ZBTB38: variants seen among roughly 807,000 people sequenced by gnomAD.
The protein encoded by ZBTB38 is zinc finger and BTB domain-containing protein 38.
In ZBTB38, 20 loss-of-function variants were observed where a neutral mutation model predicts 76.8. The ratio of observed to expected loss-of-function variants is 0.26; its 90% CI spans 0.18 to 0.38. ZBTB38 has a LOEUF of 0.38. Ranked by LOEUF, ZBTB38 falls within the 10% of genes least tolerant of loss-of-function variation. The probability of loss-of-function intolerance (pLI) is 1.00; values close to 1 mark genes in which losing one functional copy is unlikely to be tolerated. For synonymous variants in ZBTB38, 504 were observed against 544.2 expected (o/e 0.93, Z 1.03); for missense variants, 1,082 against 1,482.3 (o/e 0.73, Z 4.43).
intron 5 of ZBTB38, among the ~76,000 whole-genome samples, chr3:141,410,707 A>G (rs1956335225): frequency 6.6e-6 from 1 of 152,210 alleles, no homozygotes. Flanking sequence ...AAGCAAATTT[A>G]TTTTTGACCT....
chr3:141,422,866 G>A (rs1008658881), intron 5 of ZBTB38, among the ~76,000 whole-genome samples: 3 of 151,998 alleles, frequency 2.0e-5, no homozygotes, highest in Non-Finnish European at 4.4e-5. Context: ...TTCTTTCAAA[G>A]TATTATAAAA....
At chr3:141,415,203 C>T (rs891631568) in intron 5 of ZBTB38, among the ~76,000 whole-genome samples, 24 of 152,164 alleles carry the variant, frequency 1.6e-4, no homozygotes, top group African/African-American at 5.6e-4. Flanking sequence ...ACCAGACATA[C>T]AAGAACCTTT....
chr3:141,384,373 C>T (rs1946636241), intron 3 of ZBTB38, among the ~76,000 whole-genome samples: 2 of 152,176 alleles, frequency 1.3e-5, no homozygotes, highest in Non-Finnish European at 1.5e-5. Flanking sequence ...TTATTATTCC[C>T]GACAGAGGAG....
rs763649729 is a variant in ZBTB38, at chr3:141,443,753, T to C, written c.1365T>C (p.Asn455=). The C allele has an allele frequency of 1.2e-6, 2 of 1,613,966 alleles. No individual in the cohort carries two copies. The highest frequency in any genetic ancestry group is 1.1e-5 in the South Asian group (1 of 91,084). The change falls in exon 6 of 6, where the codon AAT becomes AAC. Residue 455 remains asparagine, a synonymous_variant. Transcript: ENST00000321464. This position sits in a 1 kb window ranked among gnomAD's most constrained non-coding sequence, Gnocchi z 5.6. ...CGGACCACATGGTTAAATTTGTTAA[T>C]GGGCAAATGCTCTACAGTTGCGTTG... ...PDTDHMVKFV[N]GQMLYSCVVC... is the part of the protein sequence containing the mutation.
upstream of ZBTB38, chr3:141,368,373 G>A (rs565358479): frequency 1.3e-5 from 2 of 152,354 alleles, no homozygotes; most frequent in East Asian, 3.9e-4. Context: ...GAGGGCCTCT[G>A]GACATCAAAG....
chr3:141,336,016 TTC>T (rs1943006389), intron 1 of ZBTB38, among the ~76,000 whole-genome samples: 1 of 152,194 alleles, frequency 6.6e-6, no homozygotes, highest in Admixed American at 6.5e-5. Flanking sequence ...GTCATCACCT[TTC>T]TCTCTCTTAC....
At chr3:141,387,292 A>C (rs576169588) in intron 4 of ZBTB38, 1 of 151,700 alleles carries the variant, frequency 6.6e-6, no homozygotes, top group South Asian at 2.1e-4. Context: ...ACAAACCCTA[A>C]AAACAAAAAC....
At chr3:141,378,025 A>G (rs779554269) in intron 2 of ZBTB38, among the ~76,000 whole-genome samples, 2 of 152,106 alleles carry the variant, frequency 1.3e-5, no homozygotes, top group Non-Finnish European at 2.9e-5. Flanking sequence ...AAAAATTTAC[A>G]AAACTAGCGG....
At chr3:141,347,572 C>T (rs1039470013) in intron 1 of ZBTB38, among the ~76,000 whole-genome samples, 2 of 152,204 alleles carry the variant, frequency 1.3e-5, no homozygotes, top group African/African-American at 2.4e-5. Flanking sequence ...CTTACCAGTG[C>T]CCACTTTTGC....
chr3:141,340,988 A>AAGAAAGAAAGAG (rs1553760160), intron 1 of ZBTB38, among the ~76,000 whole-genome samples: 1 of 139,566 alleles, frequency 7.2e-6, no homozygotes, highest in Non-Finnish European at 1.6e-5. Flanking sequence ...GAAAGAAAGA[A>AAGAAAGAAAGAG]AGAGAAAGAA....
chr3:141,420,435 C>A (rs557823178), intron 5 of ZBTB38, among the ~76,000 whole-genome samples: 2 of 152,276 alleles, frequency 1.3e-5, no homozygotes, highest in South Asian at 4.1e-4. Flanking sequence ...CAATTCTGCT[C>A]CCAGGAGCTC....
intron 5 of ZBTB38, among the ~76,000 whole-genome samples, chr3:141,410,945 G>T (rs1241751123): frequency 2.0e-5 from 3 of 152,174 alleles, no homozygotes; most frequent in African/African-American, 4.8e-5. Context: ...AGTCCTGGAA[G>T]GGTATCTTGG....
chr3:141,397,789 C>T (rs535042036), intron 4 of ZBTB38, among the ~76,000 whole-genome samples: 8 of 152,210 alleles, frequency 5.3e-5, no homozygotes, highest in African/African-American at 1.7e-4. Flanking sequence ...CTTATATGGG[C>T]GTGGTTCATG....
chr3:141,332,829 CT>C (rs1380949112), intron 1 of ZBTB38, among the ~76,000 whole-genome samples: 3 of 152,118 alleles, frequency 2.0e-5, no homozygotes, highest in African/African-American at 7.2e-5. Context: ...TTGAAAACTA[CT>C]GGAAACTATT....
intron 5 of ZBTB38, among the ~76,000 whole-genome samples, chr3:141,418,249 C>T (rs1317893940): frequency 2.6e-5 from 4 of 152,212 alleles, no homozygotes; most frequent in African/African-American, 4.8e-5. Context: ...TCTCCTAGCG[C>T]AGCCCTGCAC....
At chr3:141,344,176 AAC>A (rs1050649107) in intron 1 of ZBTB38, among the ~76,000 whole-genome samples, 57 of 152,328 alleles carry the variant, frequency 3.7e-4, no homozygotes, top group African/African-American at 1.3e-3. Context: ...TTGGTGGCTT[AAC>A]ACACACAGTT....
chr3:141,439,429 A>G (rs1490369580), intron 5 of ZBTB38, among the ~76,000 whole-genome samples: 2 of 152,226 alleles, frequency 1.3e-5, no homozygotes, highest in Non-Finnish European at 2.9e-5. Flanking sequence ...TGACATATAT[A>G]ATGATATTTA....
rs2080701600 is a variant in ZBTB38, at chr3:141,443,688, A to G, written c.1300A>G (p.Ile434Val). 6.2e-7 allele frequency: 1 copy of G among 1,613,988 alleles called. No individual in the cohort carries two copies. Among genetic ancestry groups the G allele is most frequent in the African/African-American group, 1.3e-5 (1 of 74,918 alleles). The change falls in exon 6 of 6, where the codon ATT becomes GTT. Residue 434 changes from isoleucine to valine, a missense_variant. This residue lies in a region of ZBTB38 where 324 missense variants were observed against 359.1 expected (regional missense o/e 0.90). Transcript: ENST00000321464. This position sits in a 1 kb window ranked among gnomAD's most constrained non-coding sequence, Gnocchi z 5.6. Reference sequence around the variant, plus strand: ...AGAACCTTTATTATCTGAAAATAGGATTGGTGAATTTTCCAGTACCGGAAG... The same window carrying G: ...AGAACCTTTATTATCTGAAAATAGGGTTGGTGAATTTTCCAGTACCGGAAG... ...GPEPLLSENR[I>V]GEFSSTGSTL...
At chr3:141,401,557 C>T (rs1951946033) in intron 4 of ZBTB38, among the ~76,000 whole-genome samples, 2 of 151,750 alleles carry the variant, frequency 1.3e-5, no homozygotes, top group South Asian at 4.1e-4. Context: ...CTGTAGATTC[C>T]TGGCTGAAAA....
Sources: allele counts gnomAD v4.1 joint callset (sites outside exome capture counted in the v4.1 genomes callset), GRCh38; gene constraint gnomAD v4.1.1; regional missense constraint gnomAD v4.1.1; non-coding constraint Gnocchi (gnomAD v3.1); transcripts MANE v1.5; gene names NCBI Gene and HGNC (gene_info 2026-07-23, HGNC 2026-07-21).